Variants in SLC39A11 observed in about 807,000 individuals in gnomAD.
The protein encoded by SLC39A11 is solute carrier family 39 member 11, also known as zinc transporter ZIP11.
Under a neutral mutation model 36.1 loss-of-function variants are expected in SLC39A11, and 33 were observed. That is an observed-to-expected ratio of 0.91 (90% confidence interval 0.69 to 1.22). The LOEUF is 1.22. Ranked by LOEUF, SLC39A11 falls within the 50% of genes most tolerant of loss-of-function variation. SLC39A11 has a pLI of 0.00. For missense variants in SLC39A11, 432 were observed against 430.3 expected, an observed-to-expected ratio of 1.00 and a Z score of -0.03; for synonymous variants, 166 against 170.3, an observed-to-expected ratio of 0.97 and a Z score of 0.20.
chr17:72,907,184 A>T (rs927233124), intron 5 of SLC39A11, among the ~76,000 whole-genome samples: 7 of 152,200 alleles, frequency 4.6e-5, no homozygotes, highest in Admixed American at 2.6e-4. Flanking sequence ...CAAGGAAAAC[A>T]CCATCAGAAA....
At chr17:72,831,182 G>A (rs999331180) in intron 6 of SLC39A11, among the ~76,000 whole-genome samples, 5 of 151,848 alleles carry the variant, frequency 3.3e-5, no homozygotes, top group African/African-American at 1.2e-4. Context: ...ACATCTCTGA[G>A]ACAGAAAGAA....
At chr17:72,713,288 A>T (rs1051985716) in intron 7 of SLC39A11, among the ~76,000 whole-genome samples, 1 of 152,178 alleles carries the variant, frequency 6.6e-6, no homozygotes, top group Admixed American at 6.5e-5. Context: ...GTGGGAGCCA[A>T]GCACAGGTGA....
Position 72,858,288 on chromosome 17 carries a change from A to G in SLC39A11, c.431-8484T>C, listed in dbSNP as rs187114612. Among the ~76,000 whole-genome samples the G allele has an allele frequency of 1.2e-4, 19 of 152,186 alleles. No individual in the cohort carries two copies. In the East Asian group the frequency reaches 3.7e-3, roughly 29 times the overall value. On this transcript the variant is annotated intron_variant, in intron 5 of 9. Transcript: ENST00000255559. Reference sequence around the variant, plus strand: ...TTTGTCGAAGATCAGATGGTTGTAGATGTTCAGCCTTATATATGGGTTTTC... The same window carrying G: ...TTTGTCGAAGATCAGATGGTTGTAGGTGTTCAGCCTTATATATGGGTTTTC...
At chr17:73,092,583 G>T (rs1376704518) in intron 1 of SLC39A11, 28 bp downstream of exon 1, 1 of 152,646 alleles carries the variant, frequency 6.6e-6, no homozygotes, top group East Asian at 1.9e-4. Context: ...CCAACCAAAG[G>T]CACCGAAGGA....
intron 6 of SLC39A11, among the ~76,000 whole-genome samples, chr17:72,842,754 C>T (rs2078875593): frequency 6.6e-6 from 1 of 152,206 alleles, no homozygotes; most frequent in Non-Finnish European, 1.5e-5. Context: ...CACAGATGCA[C>T]CCAGGCAGGC....
intron 4 of SLC39A11, among the ~76,000 whole-genome samples, chr17:72,952,495 C>A (rs568136931): frequency 6.6e-6 from 1 of 152,272 alleles, no homozygotes; most frequent in Admixed American, 6.5e-5. Flanking sequence ...GCCATGGAGC[C>A]CCATCTGCTC....
At chr17:72,756,198 C>A (rs143023288) in intron 6 of SLC39A11, among the ~76,000 whole-genome samples, 6 of 152,310 alleles carry the variant, frequency 3.9e-5, no homozygotes, top group African/African-American at 1.4e-4. Context: ...TGTGACGTTC[C>A]TGAGGTTCCG....
intron 6 of SLC39A11, among the ~76,000 whole-genome samples, chr17:72,760,773 C>G (rs1303820067): frequency 1.3e-5 from 2 of 152,202 alleles, no homozygotes; most frequent in Non-Finnish European, 2.9e-5. Context: ...GCAGGCAACT[C>G]AAATCACTGC....
At chr17:72,969,755 AT>A (rs1490813549) in intron 4 of SLC39A11, among the ~76,000 whole-genome samples, 2 of 152,218 alleles carry the variant, frequency 1.3e-5, no homozygotes, top group Admixed American at 6.5e-5. Flanking sequence ...AGGGAAACGG[AT>A]GGCAACACTA....
chr17:72,927,918 A>T (rs371635909), intron 5 of SLC39A11, among the ~76,000 whole-genome samples: 7 of 152,302 alleles, frequency 4.6e-5, no homozygotes, highest in Admixed American at 2.0e-4. Context: ...GAACATTTGT[A>T]GTATCATCCT....
rs143403566 is a variant in SLC39A11, at chr17:72,948,798, T to C, written c.307-923A>G. On this transcript the variant is annotated intron_variant, in intron 4 of 9. Transcript: ENST00000255559. Reference sequence around the variant, plus strand: ...ATTAATTAACTGCCAACTCTGTGTATATTTAGTGAAAGAGACAAAGTCCCG... The same window carrying C: ...ATTAATTAACTGCCAACTCTGTGTACATTTAGTGAAAGAGACAAAGTCCCG... 5.2e-3 allele frequency among the ~76,000 whole-genome samples: 799 copies of C among 152,342 alleles called. 6 individuals carry two copies. Among genetic ancestry groups the C allele is most frequent in the African/African-American group, 0.018 (764 of 41,576 alleles).
chr17:72,784,719 T>G (rs1055143590), intron 6 of SLC39A11, among the ~76,000 whole-genome samples: 1 of 152,028 alleles, frequency 6.6e-6, no homozygotes, highest in Non-Finnish European at 1.5e-5. Flanking sequence ...GCTTTTGCCA[T>G]GTGATATGCC....
intron 4 of SLC39A11, among the ~76,000 whole-genome samples, chr17:73,007,989 G>C (rs551065021): frequency 1.3e-5 from 2 of 152,186 alleles, no homozygotes; most frequent in African/African-American, 4.8e-5. Flanking sequence ...TGTAGTCCCA[G>C]CTACTCAGGA....
intron 6 of SLC39A11, among the ~76,000 whole-genome samples, chr17:72,836,374 T>G (rs1168097534): frequency 1.3e-5 from 2 of 150,802 alleles, no homozygotes; most frequent in African/African-American, 4.9e-5. Context: ...AGGGTCTCGC[T>G]CTGTTACCCA....
At chr17:73,086,978 C>T (rs1368267633) in intron 2 of SLC39A11, among the ~76,000 whole-genome samples, 2 of 151,922 alleles carry the variant, frequency 1.3e-5, no homozygotes, top group Non-Finnish European at 2.9e-5. Context: ...ACCTTTTGAA[C>T]CTGGGAAGCA....
At chr17:72,907,240 T>A (rs1261956634) in intron 5 of SLC39A11, among the ~76,000 whole-genome samples, 1 of 152,170 alleles carries the variant, frequency 6.6e-6, no homozygotes, top group East Asian at 1.9e-4. Flanking sequence ...CTGTAATACC[T>A]GCACTTCGGG....
intron 7 of SLC39A11, among the ~76,000 whole-genome samples, chr17:72,696,739 T>C (rs974080959): frequency 7.2e-5 from 11 of 152,240 alleles, no homozygotes; most frequent in African/African-American, 2.4e-4. Context: ...ATGAACCTGC[T>C]TTTAATAATT....
chr17:72,735,256 C>A (rs1192185853), intron 7 of SLC39A11, among the ~76,000 whole-genome samples: 1 of 152,080 alleles, frequency 6.6e-6, no homozygotes, highest in Non-Finnish European at 1.5e-5. Context: ...TAGAATTCAG[C>A]GACCAGCAAT....
intron 6 of SLC39A11, among the ~76,000 whole-genome samples, chr17:72,749,551 G>A (rs1385244578): frequency 2.0e-5 from 3 of 152,226 alleles, no homozygotes; most frequent in Non-Finnish European, 4.4e-5. Context: ...GAGGCAATGA[G>A]TAGTGTGGTC....
Sources: gnomAD v4.1 joint callset for allele counts (sites outside exome capture counted in the v4.1 genomes callset) on GRCh38, gnomAD v4.1.1 for gene constraint, MANE v1.5 for transcripts, NCBI Gene and HGNC (gene_info 2026-07-23, HGNC 2026-07-21) for gene names.